GATA1: variants seen among roughly 807,000 people sequenced by gnomAD.
GATA1 encodes erythroid transcription factor.
A neutral mutation model predicts 18.9 loss-of-function variants in GATA1; 2 were observed. The ratio of observed to expected loss-of-function variants is 0.11; its 90% CI spans 0.04 to 0.33. GATA1 has a LOEUF of 0.33. GATA1 is among the 10% of genes least tolerant of loss of function. GATA1 has a pLI of 1.00. For missense variants in GATA1, 272 were observed against 344.7 expected (o/e 0.79, Z 1.67); for synonymous variants, 152 against 149.1 (o/e 1.02, Z -0.14).
chrX:48,792,920 A>G (rs1346444903), intron 4 of GATA1, among the ~76,000 whole-genome samples: 2 of 111,580 alleles, frequency 1.8e-5, no homozygotes, highest in East Asian at 2.8e-4. Flanking sequence ...TAGCTCCCCA[A>G]GTGATTCCGA....
At chrX:48,791,685 AG>A (rs1285955982) in intron 2 of GATA1, among the ~76,000 whole-genome samples, 158 bp from the exon 3 acceptor site, 2 of 112,177 alleles carry the variant, frequency 1.8e-5, no homozygotes, top group Non-Finnish European at 3.8e-5. Flanking sequence ...GTCAGGATCC[AG>A]GAAGCATCCA....
intron 1 of GATA1, among the ~76,000 whole-genome samples, chrX:48,788,626 C>T (rs2062664833): frequency 9.0e-6 from 1 of 111,719 alleles, no homozygotes; most frequent in South Asian, 3.7e-4. Context: ...CCTGTCTATA[C>T]CATGGGTCAT....
chrX:48,791,343 G>C lies in GATA1; in HGVS notation c.220+14G>C. 1 of 1,180,116 alleles carries C rather than the reference G, an allele frequency of 8.5e-7. No individual in the cohort carries two copies. Among genetic ancestry groups the C allele is most frequent in the Non-Finnish European group, 1.1e-6 (1 of 875,260 alleles). On this transcript the variant is annotated intron_variant, in intron 2 of 5. Transcript: ENST00000376670. ...GACACTCCCCAGGTAACTCCATTGA[G>C]TGGCTGTCTTGGCATTGGCTGAGTG...
rs2062673775 is a variant in GATA1, at chrX:48,791,204, T to A, written c.95T>A (p.Val32Asp). The A allele has an allele frequency of 5.0e-6, 6 of 1,205,462 alleles. No homozygotes were observed. The highest frequency in any genetic ancestry group is 4.5e-6 in the Non-Finnish European group (4 of 892,301). ...GTGTCCTCCACACCAGAATCAGGGG[T>A]TTTCTTCCCCTCTGGGCCTGAGGGC... ...ALVSSTPESG[V>D]FFPSGPEGLD... Residue 32 changes from valine to aspartate, a missense_variant, in exon 2 of 6, where the codon GTT (valine) becomes GAT (aspartate). Transcript: ENST00000376670.
chrX:48,794,098 C>G lies in GATA1; in HGVS notation c.1176C>G (p.Gly392=), dbSNP rs782094568. The change falls in exon 6 of 6, where the codon GGC becomes GGG. Residue 392 remains glycine (G), a synonymous_variant. Coordinates refer to ENST00000376670, the MANE Select transcript of GATA1 (RefSeq NM_002049.4). ...FPGPLLGSPT[G]SFPTGPMPPT... ...GACCCCTACTGGGCTCACCCACGGG[C>G]TCCTTCCCCACAGGCCCCATGCCCC... 44 of 1,196,738 alleles carry G rather than the reference C, an allele frequency of 3.7e-5. No homozygotes were observed. In the East Asian group the frequency reaches 1.3e-3, roughly 35 times the overall value.
At chrX:48,790,821 G>A (rs1557019922) in intron 1 of GATA1, among the ~76,000 whole-genome samples, 1 of 101,749 alleles carries the variant, frequency 9.8e-6, no homozygotes, top group East Asian at 3.1e-4. Context: ...AACGGCAAGA[G>A]GGGGAGAACG....
chrX:48,787,575 C>T (rs2062661998), intron 1 of GATA1, among the ~76,000 whole-genome samples: 1 of 111,088 alleles, frequency 9.0e-6, no homozygotes, highest in Non-Finnish European at 1.9e-5. Context: ...TACTTCTCAA[C>T]TTTATTTCTG....
intron 1 of GATA1, among the ~76,000 whole-genome samples, chrX:48,790,282 A>G (rs1432859360): frequency 1.8e-5 from 2 of 108,322 alleles, no homozygotes; most frequent in Non-Finnish European, 3.8e-5. Flanking sequence ...GTCATACCCC[A>G]TTTCTACAAA....
chrX:48,791,360 G>A, intron 2 of GATA1, 31 bp downstream of exon 2: 1 of 1,129,811 alleles, frequency 8.9e-7, no homozygotes, highest in Non-Finnish European at 1.2e-6. Flanking sequence ...TCTTGGCATT[G>A]GCTGAGTGCT....
chrX:48,790,056 G>A (rs1490589247), intron 1 of GATA1, among the ~76,000 whole-genome samples: 1 of 108,993 alleles, frequency 9.2e-6, no homozygotes, highest in Non-Finnish European at 1.9e-5. Context: ...AGGAGATGGG[G>A]AAAGGGAGAA....
Position 48,788,038 on chromosome X carries a change from G to A in GATA1, c.-20+1393G>A, listed in dbSNP as rs782127900. On this transcript the variant is annotated intron_variant, in intron 1 of 5. Transcript: ENST00000376670. ...TCTGTCCGGAGAGTGATAACTGGGGGTGAGGAGGCTGGGCCCCTGCCATGG... is the reference window on the plus strand; with the variant it reads ...TCTGTCCGGAGAGTGATAACTGGGGATGAGGAGGCTGGGCCCCTGCCATGG... Among the ~76,000 whole-genome samples the A allele has an allele frequency of 9.0e-5, 10 of 111,476 alleles. No individual in the cohort carries two copies. The South Asian group carries it at 2.6e-3, about 29-fold the overall frequency.
chrX:48,788,652 G>A (rs1557019525), intron 1 of GATA1, among the ~76,000 whole-genome samples: 2 of 111,590 alleles, frequency 1.8e-5, no homozygotes, highest in African/African-American at 6.5e-5. Context: ...CAGGAGTGAG[G>A]GGCAGTTTGA....
At chrX:48,791,027 G>A (rs2062672837) in intron 1 of GATA1, 64 bp from the exon 2 acceptor site, 1 of 728,886 alleles carries the variant, frequency 1.4e-6, no homozygotes, top group Non-Finnish European at 2.1e-6. Context: ...GAGGGAAGAG[G>A]AGCAGGTGAA....
At chrX:48,791,030 C>A in intron 1 of GATA1, 61 bp from the exon 2 acceptor site, 1 of 734,457 alleles carries the variant, frequency 1.4e-6, no homozygotes, top group Non-Finnish European at 2.1e-6. Context: ...GGAAGAGGAG[C>A]AGGTGAAAGG....
intron 1 of GATA1, among the ~76,000 whole-genome samples, chrX:48,788,803 T>C (rs1157665978): frequency 9.1e-6 from 1 of 110,473 alleles, no homozygotes; most frequent in African/African-American, 3.3e-5. Context: ...GGTATGGGAC[T>C]AGTAAGAGGC....
chrX:48,791,346 G>T lies in GATA1; in HGVS notation c.220+17G>T, dbSNP rs782352992. ...ACTCCCCAGGTAACTCCATTGAGTGGCTGTCTTGGCATTGGCTGAGTGCTG... is the reference window on the plus strand; with the variant it reads ...ACTCCCCAGGTAACTCCATTGAGTGTCTGTCTTGGCATTGGCTGAGTGCTG... On this transcript the variant is annotated intron_variant, in intron 2 of 5. Coordinates refer to ENST00000376670, the MANE Select transcript of GATA1 (RefSeq NM_002049.4). 48 of 1,168,329 alleles carry T rather than the reference G, an allele frequency of 4.1e-5. No homozygotes were observed. Among genetic ancestry groups the T allele is most frequent in the Middle Eastern group, 3.0e-4 (1 of 3,281 alleles).
chrX:48,793,895 G>A lies in GATA1; in HGVS notation c.973G>A (p.Gly325Arg). The A allele has an allele frequency of 1.7e-6, 2 of 1,207,364 alleles. No homozygotes were observed. Among genetic ancestry groups the A allele is most frequent in the Non-Finnish European group, 2.2e-6 (2 of 893,030 alleles). ...KKRGSSLGGT[G>R]AAEGPAGGFM... ...ACGGGGCTCCAGTCTGGGAGGCACA[G>A]GAGCAGCCGAAGGACCAGCTGGTGG... The change falls in exon 6 of 6, where the codon GGA (glycine) becomes AGA (arginine). Residue 325 changes from glycine (G) to arginine (R), a missense_variant. Physicochemically the swap from Gly to Arg is moderately radical, Grantham distance 125. Coordinates refer to ENST00000376670, the MANE Select transcript of GATA1 (RefSeq NM_002049.4).
chrX:48,790,205 T>C (rs782819200), intron 1 of GATA1, among the ~76,000 whole-genome samples: 1 of 109,231 alleles, frequency 9.2e-6, no homozygotes, highest in East Asian at 2.9e-4. Context: ...GTAATCCCAG[T>C]ACTTTGGGAG....
Position 48,794,094 on chromosome X carries a change from C to G in GATA1, c.1172C>G (p.Thr391Arg). 2 of 1,198,692 alleles carry G rather than the reference C, an allele frequency of 1.7e-6. No homozygotes were observed. Among genetic ancestry groups the G allele is most frequent in the African/African-American group, 1.7e-5 (1 of 57,536 alleles). ...PFPGPLLGSP[T>R]GSFPTGPMPP... ...CCTGGACCCCTACTGGGCTCACCCACGGGCTCCTTCCCCACAGGCCCCATG... is the reference window on the plus strand; with the variant it reads ...CCTGGACCCCTACTGGGCTCACCCAGGGGCTCCTTCCCCACAGGCCCCATG... Residue 391 changes from threonine to arginine, a missense_variant, in exon 6 of 6, where the codon ACG (threonine) becomes AGG (arginine). By Grantham distance (71) the Thr-to-Arg change is moderately conservative (BLOSUM62 -1). Transcript: ENST00000376670.
Sources: gnomAD v4.1 joint callset for allele counts (sites outside exome capture counted in the v4.1 genomes callset) on GRCh38, gnomAD v4.1.1 for gene constraint, MANE v1.5 for transcripts, NCBI Gene and HGNC (gene_info 2026-07-23, HGNC 2026-07-21) for gene names.